Variants in RANBP9 observed in about 807,000 individuals in gnomAD.
The protein encoded by RANBP9 is ran-binding protein 9.
In RANBP9, 15 loss-of-function variants were observed where a neutral mutation model predicts 84.3. The ratio of observed to expected loss-of-function variants is 0.18; its 90% CI spans 0.12 to 0.27. The LOEUF is 0.27. Ranked by LOEUF, RANBP9 falls within the 10% of genes least tolerant of loss-of-function variation. The probability of loss-of-function intolerance (pLI) is 1.00; values close to 1 mark genes in which losing one functional copy is unlikely to be tolerated. For missense variants in RANBP9, 809 were observed against 912.8 expected, an observed-to-expected ratio of 0.89 and a Z score of 1.46; for synonymous variants, 392 against 349.6, an observed-to-expected ratio of 1.12 and a Z score of -1.35.
intron 2 of RANBP9, among the ~76,000 whole-genome samples, chr6:13,688,324 C>T (rs568831550): frequency 8.5e-5 from 13 of 152,316 alleles, no homozygotes; most frequent in African/African-American, 3.1e-4. Context: ...ACCTGAGCAA[C>T]TGAAGGACAG....
intron 5 of RANBP9, among the ~76,000 whole-genome samples, chr6:13,645,959 T>C (rs1765167563): frequency 6.6e-6 from 1 of 152,176 alleles, no homozygotes; most frequent in South Asian, 2.1e-4. Flanking sequence ...TATAAAGTAC[T>C]ACTGGATTAT....
In RANBP9 at chr6:13,652,572, T is replaced by C. The variant is rs1020253290; in HGVS notation, c.927+87A>G. 4.2e-5 allele frequency: 54 copies of C among 1,274,210 alleles called. No individual in the cohort carries two copies. The African/African-American group carries it at 6.5e-4, about 15-fold the overall frequency. The allele number at this position is 1,274,210 out of a possible 1,614,324, so 78.9% of individuals were successfully genotyped here. On this transcript the variant is annotated intron_variant, in intron 5 of 13. Coordinates refer to ENST00000011619, the MANE Select transcript of RANBP9 (RefSeq NM_005493.3). ...CCTAATAAATATCAATAAGACTGTATTTTAAACTTTCTAAATATGCCCAGT... is the reference window on the plus strand; with the variant it reads ...CCTAATAAATATCAATAAGACTGTACTTTAAACTTTCTAAATATGCCCAGT...
chr6:13,671,061 C>T (rs1286943517), intron 2 of RANBP9, among the ~76,000 whole-genome samples: 1 of 152,032 alleles, frequency 6.6e-6, no homozygotes, highest in Non-Finnish European at 1.5e-5. Context: ...GTCCAATAAG[C>T]AAGTAAAACT....
chr6:13,680,130 C>CA (rs1421372320), intron 2 of RANBP9, among the ~76,000 whole-genome samples: 1 of 151,546 alleles, frequency 6.6e-6, no homozygotes, highest in Non-Finnish European at 1.5e-5. Flanking sequence ...CAGTTTTTAC[C>CA]AAAAAACTCT....
chr6:13,706,636 T>G (rs1175281127), intron 1 of RANBP9, among the ~76,000 whole-genome samples: 2 of 148,598 alleles, frequency 1.3e-5, no homozygotes, highest in East Asian at 2.0e-4. Context: ...GAGGTTGCAG[T>G]GAGCCAAGAT....
At chr6:13,635,632 AC>A (rs1356430833) in intron 10 of RANBP9, among the ~76,000 whole-genome samples, 5 of 149,908 alleles carry the variant, frequency 3.3e-5, no homozygotes, top group Non-Finnish European at 7.5e-5. Context: ...AAAAAAAAAA[AC>A]AAGAGATCTA....
intron 2 of RANBP9, among the ~76,000 whole-genome samples, chr6:13,672,296 A>AG (rs1765794647): frequency 6.6e-6 from 1 of 152,188 alleles, no homozygotes; most frequent in Non-Finnish European, 1.5e-5. Flanking sequence ...AGGTCCGTTC[A>AG]GGAACTCTGG....
rs142527632 is a variant in RANBP9, at chr6:13,625,764, C to T, written c.1948G>A (p.Asp650Asn). ...KNTANKKMLK[D>N]AFSLLAYSDP... ...GAATATGCTAGTAGACTGAATGCAT[C>T]CTGTTGAAAACACATCGATTTGGTT... Residue 650 changes from aspartate to asparagine, a missense_variant and splice_region_variant, in exon 13 of 14, where the codon GAT becomes AAT. Asp to Asn is a conservative substitution (Grantham distance 23). Transcript: ENST00000011619. The T allele has an allele frequency of 6.0e-4, 957 of 1,588,316 alleles. 1 individual carries two copies. The highest frequency in any genetic ancestry group is 7.9e-4 in the Non-Finnish European group (916 of 1,156,908).
chr6:13,669,351 C>T (rs975952454), intron 2 of RANBP9, among the ~76,000 whole-genome samples: 1 of 152,178 alleles, frequency 6.6e-6, no homozygotes, highest in Non-Finnish European at 1.5e-5. Flanking sequence ...TCCTAACTTG[C>T]TTTGCTGCAG....
intron 9 of RANBP9, 105 bp downstream of exon 9, chr6:13,639,458 G>A (rs1478218615): frequency 9.6e-6 from 12 of 1,253,906 alleles, no homozygotes; most frequent in Middle Eastern, 2.6e-4. Context: ...GATTACAAGC[G>A]TGAGCCACCG....
At chr6:13,671,765 A>G (rs1423603359) in intron 2 of RANBP9, among the ~76,000 whole-genome samples, 1 of 152,180 alleles carries the variant, frequency 6.6e-6, no homozygotes, top group Non-Finnish European at 1.5e-5. Context: ...GTGAATATGT[A>G]CATGAATTAT....
At chr6:13,704,865 A>G (rs943952297) in intron 1 of RANBP9, among the ~76,000 whole-genome samples, 8 of 152,018 alleles carry the variant, frequency 5.3e-5, no homozygotes, top group African/African-American at 1.9e-4. Context: ...TGATACCTAC[A>G]CTTCCTTCAT....
chr6:13,711,341 CGCACCGCCGCCG>C lies in RANBP9; in HGVS notation c.153_164del (p.Gly54_Gly57del), dbSNP rs1758277397. 1 of 1,128,630 alleles carries C rather than the reference CGCACCGCCGCCG, an allele frequency of 8.9e-7. No homozygotes were observed. Among genetic ancestry groups the C allele is most frequent in the South Asian group, 4.3e-5 (1 of 23,302 alleles). 69.9% of individuals were successfully genotyped at this position (1,128,630 alleles called of 1,614,324 possible). On this transcript the variant is annotated inframe_deletion, in exon 1 of 14. Coordinates refer to ENST00000011619, the MANE Select transcript of RANBP9 (RefSeq NM_005493.3). ...CCGCGGCCCCTAAGCCTTCGCCGCC[CGCACCGCCGCCG>C]GGCGAGCCGGCCGGAGAAGAGCCGG...
intron 2 of RANBP9, among the ~76,000 whole-genome samples, chr6:13,673,533 T>C (rs1270645780): frequency 6.6e-6 from 1 of 152,196 alleles, no homozygotes; most frequent in Admixed American, 6.5e-5. Flanking sequence ...TAGATAAGTA[T>C]TCAAAATAGT....
intron 2 of RANBP9, among the ~76,000 whole-genome samples, chr6:13,695,069 C>T (rs1766410200): frequency 1.3e-5 from 2 of 152,138 alleles, no homozygotes; most frequent in Non-Finnish European, 2.9e-5. Context: ...GTAAGGTATC[C>T]TGGCTACAAA....
chr6:13,649,952 A>T (rs1261916228), intron 5 of RANBP9, among the ~76,000 whole-genome samples: 1 of 152,168 alleles, frequency 6.6e-6, no homozygotes, highest in Non-Finnish European at 1.5e-5. Context: ...TCCATTAGCC[A>T]ATTCTCTTGG....
chr6:13,629,126 T>C (rs1033826833), intron 12 of RANBP9, among the ~76,000 whole-genome samples: 2 of 152,194 alleles, frequency 1.3e-5, no homozygotes, highest in Admixed American at 6.5e-5. Flanking sequence ...TTTTTGTTTT[T>C]TTGAGACAGG....
intron 1 of RANBP9, among the ~76,000 whole-genome samples, chr6:13,701,095 G>GT (rs1045674169): frequency 3.9e-5 from 6 of 152,114 alleles, no homozygotes; most frequent in Non-Finnish European, 7.3e-5. Flanking sequence ...AACTCTTTGT[G>GT]TTTTTTCTCC....
At chr6:13,648,693 G>A (rs1765227625) in intron 5 of RANBP9, among the ~76,000 whole-genome samples, 1 of 152,024 alleles carries the variant, frequency 6.6e-6, no homozygotes, top group African/African-American at 2.4e-5. Context: ...GCACAGCTTT[G>A]GTCTACATTC....
Sources: allele counts gnomAD v4.1 joint callset (sites outside exome capture counted in the v4.1 genomes callset), GRCh38; gene constraint gnomAD v4.1.1; transcripts MANE v1.5; gene names NCBI Gene and HGNC (gene_info 2026-07-23, HGNC 2026-07-21).